EPHA5: variants seen among roughly 807,000 people sequenced by gnomAD.
EPHA5 encodes the protein EPH receptor A5, also known as ephrin type-A receptor 5.
In EPHA5, 60 loss-of-function variants were observed where a neutral mutation model predicts 105.0. The observed-to-expected ratio is 0.57, with a 90% confidence interval of 0.46 to 0.71. The LOEUF (loss-of-function observed/expected upper bound fraction) is 0.71. EPHA5 is among the 30% of genes least tolerant of loss of function. EPHA5 has a pLI of 0.00. For missense variants in EPHA5, 1,218 were observed against 1,274.7 expected (o/e 0.96, Z 0.68); for synonymous variants, 513 against 449.1 (o/e 1.14, Z -1.80).
intron 1 of EPHA5, among the ~76,000 whole-genome samples, chr4:65,643,962 GA>G (rs1217106382): frequency 1.5e-4 from 23 of 151,564 alleles, no homozygotes; most frequent in Admixed American, 3.9e-4. Context: ...GTTTAATTAA[GA>G]AATAAATCTA....
intron 5 of EPHA5, among the ~76,000 whole-genome samples, chr4:65,446,148 T>C (rs1726502790): frequency 6.6e-6 from 1 of 152,294 alleles, no homozygotes; most frequent in East Asian, 1.9e-4. Context: ...AATGTTTCAA[T>C]GGGTTACAAT....
intron 5 of EPHA5, among the ~76,000 whole-genome samples, chr4:65,471,053 A>G (rs1434291262): frequency 6.6e-6 from 1 of 152,292 alleles, no homozygotes; most frequent in East Asian, 1.9e-4. Context: ...TCTATACATC[A>G]GTTCCTTTCT....
At chr4:65,537,967 T>C (rs921634164) in intron 3 of EPHA5, among the ~76,000 whole-genome samples, 3 of 151,842 alleles carry the variant, frequency 2.0e-5, no homozygotes, top group African/African-American at 7.2e-5. Flanking sequence ...GTCACCTATA[T>C]TGGGGTGGCT....
At chr4:65,652,001 C>T (rs1266233319) in intron 1 of EPHA5, among the ~76,000 whole-genome samples, 1 of 152,048 alleles carries the variant, frequency 6.6e-6, no homozygotes, top group Non-Finnish European at 1.5e-5. Flanking sequence ...ATATGGTTTT[C>T]GGTGGCTACC....
chr4:65,460,904 C>T (rs1044984926), intron 5 of EPHA5, among the ~76,000 whole-genome samples: 1 of 151,718 alleles, frequency 6.6e-6, no homozygotes, highest in Admixed American at 6.6e-5. Flanking sequence ...ATTTTTCTTA[C>T]AGATTTTATA....
chr4:65,374,821 G>T (rs1718831271), intron 8 of EPHA5, among the ~76,000 whole-genome samples: 2 of 151,872 alleles, frequency 1.3e-5, no homozygotes, highest in South Asian at 4.2e-4. Flanking sequence ...GATGATGATA[G>T]AATGTTTTTG....
intron 3 of EPHA5, among the ~76,000 whole-genome samples, chr4:65,591,708 T>A (rs1213097054): frequency 6.6e-6 from 1 of 152,072 alleles, no homozygotes; most frequent in Non-Finnish European, 1.5e-5. Context: ...TTATTTTAAT[T>A]CTAACGTTAC....
intron 8 of EPHA5, among the ~76,000 whole-genome samples, chr4:65,398,030 C>G (rs146136839): frequency 1.8e-4 from 27 of 152,216 alleles, no homozygotes; most frequent in Middle Eastern, 3.4e-3. Flanking sequence ...AGCCTCACCA[C>G]CCCCCTTCCA....
chr4:65,470,225 C>T (rs1729153952), intron 5 of EPHA5, among the ~76,000 whole-genome samples: 1 of 150,448 alleles, frequency 6.6e-6, no homozygotes, highest in South Asian at 2.1e-4. Context: ...CAGAGTCTCG[C>T]TCTGTCACCC....
chr4:65,612,518 T>C (rs2149461115), intron 2 of EPHA5, among the ~76,000 whole-genome samples: 1 of 152,334 alleles, frequency 6.6e-6, no homozygotes, highest in Non-Finnish European at 1.5e-5. Context: ...TTCTTTATTA[T>C]TGAGTAATAT....
intron 5 of EPHA5, among the ~76,000 whole-genome samples, chr4:65,459,930 T>C (rs1727970399): frequency 6.6e-6 from 1 of 151,660 alleles, no homozygotes; most frequent in Non-Finnish European, 1.5e-5. Context: ...TTTAGTACAT[T>C]AAAAAGGAGA....
At chr4:65,393,182 AGAGT>A (rs1560487626) in intron 8 of EPHA5, among the ~76,000 whole-genome samples, 2 of 152,192 alleles carry the variant, frequency 1.3e-5, no homozygotes, top group Non-Finnish European at 2.9e-5. Flanking sequence ...AAAAGAGTGT[AGAGT>A]GAGAGATTCT....
chr4:65,603,506 T>C (rs1743940953), intron 2 of EPHA5, among the ~76,000 whole-genome samples: 1 of 152,170 alleles, frequency 6.6e-6, no homozygotes, highest in Non-Finnish European at 1.5e-5. Context: ...CTCATTTCTT[T>C]AGACATGAAA....
chr4:65,467,970 G>A (rs1334177121), intron 5 of EPHA5, among the ~76,000 whole-genome samples: 1 of 152,112 alleles, frequency 6.6e-6, no homozygotes, highest in Non-Finnish European at 1.5e-5. Flanking sequence ...ACCTAGAAAG[G>A]ATAGTAAATG....
rs1343337076 is a variant in EPHA5, at chr4:65,477,738, C to G, written c.1402+12639G>C. Among the ~76,000 whole-genome samples the G allele has an allele frequency of 2.0e-5, 3 of 152,028 alleles. No homozygotes were observed. In the South Asian group the frequency reaches 6.2e-4, roughly 32 times the overall value. On this transcript the variant is annotated intron_variant, in intron 5 of 16. Coordinates refer to ENST00000613740, the MANE Select transcript of EPHA5 (RefSeq NM_001281766.3). Reference sequence around the variant, plus strand: ...CACTTCATGTTCTTAAACTTCAGTTCCTTCATCCCAAAAATGGGAATAATA... The same window carrying G: ...CACTTCATGTTCTTAAACTTCAGTTGCTTCATCCCAAAAATGGGAATAATA...
intron 2 of EPHA5, 113 bp downstream of exon 2, chr4:65,643,250 G>T: frequency 1.2e-6 from 1 of 801,550 alleles, no homozygotes; most frequent in Non-Finnish European, 2.1e-6. Context: ...CACACACATA[G>T]CACCTCCTGT....
chr4:65,613,166 T>A (rs1744928197), intron 2 of EPHA5, among the ~76,000 whole-genome samples: 1 of 152,116 alleles, frequency 6.6e-6, no homozygotes, highest in Non-Finnish European at 1.5e-5. Context: ...ATCAACAATG[T>A]CAAAGATCGG....
intron 3 of EPHA5, among the ~76,000 whole-genome samples, chr4:65,518,404 C>A (rs962585588): frequency 5.9e-5 from 9 of 151,478 alleles, no homozygotes; most frequent in Non-Finnish European, 7.4e-5. Flanking sequence ...TTTGTAAATA[C>A]ATGTACTTAT....
chr4:65,637,597 T>TATATATATATATACAC (rs889288051), intron 2 of EPHA5, among the ~76,000 whole-genome samples: 1 of 144,534 alleles, frequency 6.9e-6, no homozygotes, highest in African/African-American at 2.5e-5. Context: ...TATATATATA[T>TATATATATATATACAC]ACGTATATGC....
Sources: gnomAD v4.1 joint callset for allele counts (sites outside exome capture counted in the v4.1 genomes callset) on GRCh38, gnomAD v4.1.1 for gene constraint, MANE v1.5 for transcripts, NCBI Gene and HGNC (gene_info 2026-07-23, HGNC 2026-07-21) for gene names.